RUNX2: variants seen among roughly 807,000 people sequenced by gnomAD.
The protein encoded by RUNX2 is RUNX family transcription factor 2.
Under a neutral mutation model 51.7 loss-of-function variants are expected in RUNX2, and 10 were observed. The ratio of observed to expected loss-of-function variants is 0.19; its 90% CI spans 0.12 to 0.33. The LOEUF is 0.33. Among genes scored for constraint, RUNX2 ranks in the 10% least tolerant of loss-of-function variants. RUNX2 has a pLI of 1.00. For synonymous variants in RUNX2, 276 were observed against 273.6 expected (o/e 1.01, Z -0.09); for missense variants, 562 against 691.3 (o/e 0.81, Z 2.10).
At chr6:45,472,582 A>G (rs1179275694) in intron 5 of RUNX2, among the ~76,000 whole-genome samples, 3 of 152,214 alleles carry the variant, frequency 2.0e-5, no homozygotes, top group African/African-American at 7.2e-5. Flanking sequence ...TAGGCAGTCT[A>G]AAGAAAACAG....
chr6:45,429,516 G>A (rs1056848535), intron 3 of RUNX2, among the ~76,000 whole-genome samples: 4 of 152,286 alleles, frequency 2.6e-5, no homozygotes, highest in East Asian at 1.9e-4. Context: ...ATGAGATGAC[G>A]TGTACAGAGA....
chr6:45,482,041 G>T (rs1028321055), intron 5 of RUNX2, among the ~76,000 whole-genome samples: 1 of 152,222 alleles, frequency 6.6e-6, no homozygotes, highest in Non-Finnish European at 1.5e-5. Flanking sequence ...CAGTAGAGTT[G>T]TAATAAAGAA....
chr6:45,437,903 G>C lies in RUNX2; in HGVS notation c.581-44G>C. 2.9e-6 allele frequency: 4 copies of C among 1,393,580 alleles called. 1 individual carries two copies. The South Asian group carries it at 4.6e-5, about 16-fold the overall frequency. 86.3% of individuals were successfully genotyped at this position (1,393,580 alleles called of 1,614,324 possible). Reference sequence around the variant, plus strand: ...ATGCTGCTGTGTAATCATCAACACTGTTTTTTAATATTCACTGTATATTTT... The same window carrying C: ...ATGCTGCTGTGTAATCATCAACACTCTTTTTTAATATTCACTGTATATTTT... On this transcript the variant is annotated intron_variant, in intron 4 of 8. Transcript: ENST00000647337.
chr6:45,546,241 T>C lies in RUNX2; in HGVS notation c.1088-586T>C, dbSNP rs143362214. 2.2e-4 allele frequency among the ~76,000 whole-genome samples: 33 copies of C among 152,246 alleles called. No homozygotes were observed. In the East Asian group the frequency reaches 4.1e-3, roughly 19 times the overall value. ...CCCAGAGAAGTTATGAGTTTCTGGTTTGATTTCACTGTTGCTAAGATGAGA... is the reference window on the plus strand; with the variant it reads ...CCCAGAGAAGTTATGAGTTTCTGGTCTGATTTCACTGTTGCTAAGATGAGA... On this transcript the variant is annotated intron_variant, in intron 8 of 8. Coordinates refer to ENST00000647337, the MANE Select transcript of RUNX2 (RefSeq NM_001024630.4).
chr6:45,513,824 C>T (rs1461161601), intron 7 of RUNX2, among the ~76,000 whole-genome samples: 3 of 152,136 alleles, frequency 2.0e-5, no homozygotes, highest in Non-Finnish European at 4.4e-5. Flanking sequence ...CTGGGATCAC[C>T]GTCGCCTTCA....
At chr6:45,487,425 A>T (rs980230696) in intron 5 of RUNX2, among the ~76,000 whole-genome samples, 1 of 152,210 alleles carries the variant, frequency 6.6e-6, no homozygotes, top group African/African-American at 2.4e-5. Context: ...TTGCCCTTTC[A>T]TCTCTCTGAT....
intron 7 of RUNX2, among the ~76,000 whole-genome samples, chr6:45,528,027 G>T (rs941134568): frequency 6.6e-6 from 1 of 152,156 alleles, no homozygotes; most frequent in Admixed American, 6.5e-5. Flanking sequence ...AGAGGAGAAA[G>T]GCACATCTTA....
At chr6:45,376,424 A>C (rs1158419998) in intron 2 of RUNX2, among the ~76,000 whole-genome samples, 1 of 152,210 alleles carries the variant, frequency 6.6e-6, no homozygotes, top group Non-Finnish European at 1.5e-5. Context: ...TTTAAACGTA[A>C]ATCAATTTAT....
chr6:45,419,431 A>G (rs927986751), intron 2 of RUNX2, among the ~76,000 whole-genome samples: 3 of 151,350 alleles, frequency 2.0e-5, no homozygotes, highest in Non-Finnish European at 4.4e-5. Flanking sequence ...CCTAAAAAGA[A>G]AAAAAAAAGG....
At chr6:45,422,365 C>A (rs886194028) in intron 2 of RUNX2, 4 of 533,488 alleles carry the variant, frequency 7.5e-6, no homozygotes, top group Non-Finnish European at 1.0e-5. Context: ...CCCTACCCGC[C>A]AGCCCGACTG....
chr6:45,406,487 T>C (rs1005551706), intron 2 of RUNX2, among the ~76,000 whole-genome samples: 1 of 152,232 alleles, frequency 6.6e-6, no homozygotes, highest in African/African-American at 2.4e-5. Flanking sequence ...CAATCTTGGC[T>C]CACTGCAACC....
rs562267171 is a variant in RUNX2 at position 45,420,398 on chromosome 6, T to C, written c.59-2195T>C. Among the ~76,000 whole-genome samples, 77 of 152,294 alleles carry C rather than the reference T, an allele frequency of 5.1e-4. 1 individual carries two copies. The highest frequency in any genetic ancestry group is 1.9e-3 in the African/African-American group (77 of 41,580). Reference sequence around the variant, plus strand: ...CTCTAAAACCAGACAGGGAGGGTCGTGGCAGGTCGCTACGAGGGTGAGGGA... The same window carrying C: ...CTCTAAAACCAGACAGGGAGGGTCGCGGCAGGTCGCTACGAGGGTGAGGGA... On this transcript the variant is annotated intron_variant, in intron 2 of 8. Coordinates refer to ENST00000647337, the MANE Select transcript of RUNX2 (RefSeq NM_001024630.4).
At chr6:45,446,488 T>C (rs1424563388) in intron 5 of RUNX2, among the ~76,000 whole-genome samples, 1 of 150,086 alleles carries the variant, frequency 6.7e-6, no homozygotes, top group African/African-American at 2.5e-5. Context: ...CCTCCCCCCC[T>C]TTTTTTGTCT....
chr6:45,483,688 A>T (rs1800178907), intron 5 of RUNX2, among the ~76,000 whole-genome samples: 1 of 152,212 alleles, frequency 6.6e-6, no homozygotes, highest in African/African-American at 2.4e-5. Flanking sequence ...CTGGGATATA[A>T]ATCAGAGGGA....
At chr6:45,513,774 A>G (rs1241310509) in intron 7 of RUNX2, 1 of 152,202 alleles carries the variant, frequency 6.6e-6, no homozygotes, top group East Asian at 1.9e-4. Context: ...GTATTGGGGA[A>G]TTGTATAGAG....
chr6:45,512,504 C>G (rs1039367499), intron 7 of RUNX2, 97 bp downstream of exon 7: 19 of 1,318,724 alleles, frequency 1.4e-5, no homozygotes, highest in Middle Eastern at 3.6e-4. Context: ...CAGTGACTCT[C>G]TATTAGAGGC....
chr6:45,346,638 G>A (rs1299120590), intron 2 of RUNX2, among the ~76,000 whole-genome samples: 1 of 150,698 alleles, frequency 6.6e-6, no homozygotes, highest in Non-Finnish European at 1.5e-5. Flanking sequence ...TGCGATCTCG[G>A]CTCACTGCAA....
intron 7 of RUNX2, among the ~76,000 whole-genome samples, chr6:45,544,117 C>T (rs1802317101): frequency 6.6e-6 from 1 of 151,924 alleles, no homozygotes; most frequent in African/African-American, 2.4e-5. Context: ...TTCAAGTCAA[C>T]ATTAGCGCTC....
intron 5 of RUNX2, among the ~76,000 whole-genome samples, chr6:45,455,682 G>T (rs1799299983): frequency 6.6e-6 from 1 of 152,156 alleles, no homozygotes; most frequent in South Asian, 2.1e-4. Context: ...ATGGACTAGG[G>T]TGGAAGGTGA....
Sources: gnomAD v4.1 joint callset for allele counts (sites outside exome capture counted in the v4.1 genomes callset) on GRCh38, gnomAD v4.1.1 for gene constraint, MANE v1.5 for transcripts, NCBI Gene and HGNC (gene_info 2026-07-23, HGNC 2026-07-21) for gene names.